Variants in SCHIP1 observed in about 807,000 individuals in gnomAD.
SCHIP1 encodes schwannomin interacting protein 1.
A neutral mutation model predicts 29.7 loss-of-function variants in SCHIP1; 8 were observed. The ratio of observed to expected loss-of-function variants is 0.27; its 90% CI spans 0.16 to 0.49. The LOEUF (loss-of-function observed/expected upper bound fraction) is 0.49. Ranked by LOEUF, SCHIP1 falls within the 20% of genes least tolerant of loss-of-function variation. The pLI, the probability that SCHIP1 is intolerant of heterozygous loss-of-function variation, is 0.99. For synonymous variants in SCHIP1, 76 were observed against 94.9 expected (o/e 0.80, Z 1.16); for missense variants, 193 against 294.6 (o/e 0.66, Z 2.52).
chr3:159,562,403 G>C, the SCHIP1 span, among the ~76,000 whole-genome samples: 1 of 152,136 alleles, frequency 6.6e-6, no homozygotes. Context: ...CCTTTCCAAG[G>C]AGGCAGCCTC....
chr3:159,715,656 T>C, the SCHIP1 span, among the ~76,000 whole-genome samples: 3 of 152,104 alleles, frequency 2.0e-5, no homozygotes, highest in Non-Finnish European at 2.9e-5. Context: ...GTATCAGTGA[T>C]TGAAGATCAA....
chr3:159,391,327 CT>C, the SCHIP1 span, among the ~76,000 whole-genome samples: 1 of 152,174 alleles, frequency 6.6e-6, no homozygotes, highest in South Asian at 2.1e-4. Context: ...AGTTCAGGGT[CT>C]TCTTTTCTTG....
the SCHIP1 span, among the ~76,000 whole-genome samples, chr3:159,351,157 T>G: frequency 6.6e-6 from 1 of 152,332 alleles, no homozygotes; most frequent in South Asian, 2.1e-4. Flanking sequence ...GATACCTTCA[T>G]GCTCTTACAG....
At chr3:159,677,083 A>C in the SCHIP1 span, among the ~76,000 whole-genome samples, 1 of 152,090 alleles carries the variant, frequency 6.6e-6, no homozygotes, top group African/African-American at 2.4e-5. Flanking sequence ...CACATCTTCC[A>C]TCCCCCATAG....
the SCHIP1 span, among the ~76,000 whole-genome samples, chr3:159,373,319 T>C: frequency 8.6e-5 from 13 of 151,598 alleles, no homozygotes; most frequent in Non-Finnish European, 1.3e-4. Context: ...ATACATATTA[T>C]AGTATGTATT....
At chr3:159,437,361 G>A in the SCHIP1 span, among the ~76,000 whole-genome samples, 2 of 152,088 alleles carry the variant, frequency 1.3e-5, no homozygotes, top group African/African-American at 4.8e-5. Flanking sequence ...ATAGGTAAAG[G>A]TTCCTCCTCT....
chr3:159,402,754 G>C, the SCHIP1 span, among the ~76,000 whole-genome samples: 1 of 152,112 alleles, frequency 6.6e-6, no homozygotes, highest in African/African-American at 2.4e-5. Context: ...ACACAGGAAG[G>C]CGAACATCAC....
chr3:159,511,613 A>G, the SCHIP1 span, among the ~76,000 whole-genome samples: 3 of 152,142 alleles, frequency 2.0e-5, no homozygotes, highest in Non-Finnish European at 2.9e-5. Flanking sequence ...TTGGAACCGC[A>G]CCCTGAGCCA....
chr3:159,820,556 T>C, the SCHIP1 span, among the ~76,000 whole-genome samples: 1 of 152,194 alleles, frequency 6.6e-6, no homozygotes, highest in Non-Finnish European at 1.5e-5. Context: ...TGAAATGAAA[T>C]GAATTTTAGT....
chr3:159,499,845 G>A, the SCHIP1 span, among the ~76,000 whole-genome samples: 1 of 152,168 alleles, frequency 6.6e-6, no homozygotes, highest in Non-Finnish European at 1.5e-5. Flanking sequence ...AGGAAACTGA[G>A]GCTCAAAGAA....
the SCHIP1 span, among the ~76,000 whole-genome samples, chr3:159,351,584 A>T: frequency 6.6e-6 from 1 of 152,020 alleles, no homozygotes; most frequent in East Asian, 1.9e-4. Flanking sequence ...TCTTATTTTA[A>T]AATTTTTATT....
the SCHIP1 span, among the ~76,000 whole-genome samples, chr3:159,634,241 G>C: frequency 3.9e-5 from 6 of 152,166 alleles, no homozygotes; most frequent in African/African-American, 4.8e-5. Flanking sequence ...AAGTCATTAA[G>C]AGTTGCAATG....
the SCHIP1 span, among the ~76,000 whole-genome samples, chr3:159,560,308 G>A: frequency 2.6e-5 from 4 of 152,198 alleles, no homozygotes; most frequent in East Asian, 3.9e-4. Context: ...GGGAAGCTGA[G>A]TAGGGAGTTA....
the SCHIP1 span, among the ~76,000 whole-genome samples, chr3:159,396,697 G>T: frequency 1.3e-5 from 2 of 152,194 alleles, no homozygotes; most frequent in Admixed American, 1.3e-4. Flanking sequence ...TCCGCTGTTA[G>T]TCTGATGGGC....
At chr3:159,672,704 T>A in the SCHIP1 span, among the ~76,000 whole-genome samples, 1 of 152,238 alleles carries the variant, frequency 6.6e-6, no homozygotes, top group African/African-American at 2.4e-5. Context: ...GTGTCATTAC[T>A]GCCAAGGTTG....
At chr3:159,569,974 G>A in the SCHIP1 span, among the ~76,000 whole-genome samples, 2 of 152,142 alleles carry the variant, frequency 1.3e-5, no homozygotes, top group African/African-American at 4.8e-5. Context: ...CTTCTTTTGA[G>A]AAGTGTCTGT....
At chr3:159,367,527 T>C in the SCHIP1 span, among the ~76,000 whole-genome samples, 1 of 152,232 alleles carries the variant, frequency 6.6e-6, no homozygotes, top group Admixed American at 6.5e-5. Flanking sequence ...ATGTTGTAGC[T>C]TGTGATTTGT....
At chr3:159,410,951 G>A in the SCHIP1 span, among the ~76,000 whole-genome samples, 1 of 152,110 alleles carries the variant, frequency 6.6e-6, no homozygotes, top group Non-Finnish European at 1.5e-5. Flanking sequence ...CCGTGAAGAA[G>A]AATGAGATGC....
chr3:159,464,862 A>C, the SCHIP1 span, among the ~76,000 whole-genome samples: 1 of 152,188 alleles, frequency 6.6e-6, no homozygotes, highest in Non-Finnish European at 1.5e-5. Flanking sequence ...CTAAGCATTT[A>C]ATACTAGAAT....
Sources: gnomAD v4.1 joint callset for allele counts (sites outside exome capture counted in the v4.1 genomes callset) on GRCh38, gnomAD v4.1.1 for gene constraint, MANE v1.5 for transcripts, NCBI Gene and HGNC (gene_info 2026-07-23, HGNC 2026-07-21) for gene names.